The following MPP7 variants were observed in gnomAD, a reference collection of about 807,000 sequenced individuals.
The protein encoded by MPP7 is MAGUK p55 scaffold protein 7.
A neutral mutation model predicts 76.5 loss-of-function variants in MPP7; 60 were observed. The ratio of observed to expected loss-of-function variants is 0.78; its 90% CI spans 0.64 to 0.97. The LOEUF (loss-of-function observed/expected upper bound fraction) is 0.97, where lower values mean the gene tolerates loss of function less well. Among genes scored for constraint, MPP7 ranks in the 50% least tolerant of loss-of-function variants. The pLI, the probability that MPP7 is intolerant of heterozygous loss-of-function variation, is 0.00. For missense variants in MPP7, 641 were observed against 694.0 expected (o/e 0.92, Z 0.86); for synonymous variants, 237 against 244.5 (o/e 0.97, Z 0.29).
chr10:28,070,733 C>T (rs1175889269), intron 12 of MPP7, among the ~76,000 whole-genome samples: 2 of 152,164 alleles, frequency 1.3e-5, no homozygotes, highest in Admixed American at 6.5e-5. Flanking sequence ...GCAAGGCATA[C>T]AGTAGATTCT....
Position 28,248,645 on chromosome 10 carries a change from A to G in MPP7, c.-131-9910T>C, listed in dbSNP as rs535308103. 9.2e-5 allele frequency among the ~76,000 whole-genome samples: 14 copies of G among 152,344 alleles called. 2 individuals are homozygous for G. In the East Asian group the frequency reaches 2.7e-3, roughly 29 times the overall value. ...ATACAGTCAATGCGATGCAGGGCAT[A>G]ATGATGTTTCTGTCAATCACACACC... On this transcript the variant is annotated intron_variant, in intron 1 of 16. Coordinates refer to ENST00000683449, the MANE Select transcript of MPP7 (RefSeq NM_001318170.2).
intron 3 of MPP7, among the ~76,000 whole-genome samples, chr10:28,187,706 T>G (rs1837283250): frequency 6.6e-6 from 1 of 152,208 alleles, no homozygotes; most frequent in African/African-American, 2.4e-5. Context: ...TTGAATCTGA[T>G]TCACTAATAT....
intron 5 of MPP7, among the ~76,000 whole-genome samples, chr10:28,142,203 C>A (rs1835543299): frequency 2.6e-5 from 4 of 152,094 alleles, no homozygotes; most frequent in Non-Finnish European, 5.9e-5. Flanking sequence ...CATATTTCTA[C>A]CCAGTCTTAG....
intron 2 of MPP7, among the ~76,000 whole-genome samples, chr10:28,213,040 G>A (rs1478570774): frequency 6.6e-6 from 1 of 152,012 alleles, no homozygotes; most frequent in Non-Finnish European, 1.5e-5. Context: ...CCTAGGCTCA[G>A]GTAATCCTCC....
intron 5 of MPP7, among the ~76,000 whole-genome samples, chr10:28,135,239 G>T (rs1248943318): frequency 1.3e-5 from 2 of 152,130 alleles, no homozygotes; most frequent in Non-Finnish European, 2.9e-5. Context: ...CAACTGACTA[G>T]ATTCTCAGGT....
chr10:28,316,158 C>T (rs1156981931), intron 2 of MPP7, among the ~76,000 whole-genome samples: 2 of 152,026 alleles, frequency 1.3e-5, no homozygotes, highest in South Asian at 2.1e-4. Flanking sequence ...AAAATGTGGC[C>T]GGACATGGTG....
chr10:28,267,472 T>C (rs950508247), intron 1 of MPP7, among the ~76,000 whole-genome samples: 1 of 151,830 alleles, frequency 6.6e-6, no homozygotes, highest in Admixed American at 6.6e-5. Context: ...ATACCACAGG[T>C]TGAGCATCTC....
In MPP7 at chr10:28,058,633, T is replaced by C. The variant is rs768450673; in HGVS notation, c.1299-30A>G. ...AAAAAATTAAATGCATTGGAATCAT[T>C]TGTGAATTTAAAACAATTATAGGTG... On this transcript the variant is annotated intron_variant, in intron 14 of 16. Coordinates refer to ENST00000683449, the MANE Select transcript of MPP7 (RefSeq NM_001318170.2). The C allele has an allele frequency of 2.4e-6, 3 of 1,234,750 alleles. No individual in the cohort carries two copies. The African/African-American group carries it at 4.6e-5, about 19-fold the overall frequency. 76.5% of individuals were successfully genotyped at this position (1,234,750 alleles called of 1,614,324 possible). A position where few individuals can be genotyped will look rare whatever the true frequency, so the allele number is the denominator to read the frequency against.
chr10:28,197,413 C>T lies in MPP7; in HGVS notation c.156+4740G>A, dbSNP rs527762727. On this transcript the variant is annotated intron_variant, in intron 3 of 16. Transcript: ENST00000683449. ...GACCAGGCTGGTCTCGAACTGTTGACCTCAAGTGATCCACCTGCCTCAGCC... is the reference window on the plus strand; with the variant it reads ...GACCAGGCTGGTCTCGAACTGTTGATCTCAAGTGATCCACCTGCCTCAGCC... 4.6e-5 allele frequency among the ~76,000 whole-genome samples: 7 copies of T among 152,096 alleles called. No homozygotes were observed. In the South Asian group the frequency reaches 1.5e-3, roughly 32 times the overall value.
intron 2 of MPP7, among the ~76,000 whole-genome samples, chr10:28,308,559 G>T (rs535168122): frequency 6.6e-6 from 1 of 152,236 alleles, no homozygotes; most frequent in East Asian, 1.9e-4. Flanking sequence ...GTCACCAAGG[G>T]GCTAGGATAT....
intron 3 of MPP7, among the ~76,000 whole-genome samples, chr10:28,188,979 A>G (rs1219886886): frequency 2.1e-5 from 3 of 144,168 alleles, no homozygotes; most frequent in African/African-American, 7.4e-5. Flanking sequence ...GAAGTTTGTC[A>G]GAGAGAAAGA....
intron 2 of MPP7, among the ~76,000 whole-genome samples, chr10:28,314,870 G>A (rs542559786): frequency 1.8e-4 from 27 of 152,194 alleles, no homozygotes; most frequent in African/African-American, 4.6e-4. Flanking sequence ...AAAAAAGGCC[G>A]GACACAGTGG....
chr10:28,123,576 C>A (rs1428673528), intron 8 of MPP7, among the ~76,000 whole-genome samples: 3 of 146,538 alleles, frequency 2.0e-5, no homozygotes, highest in South Asian at 2.2e-4. Context: ...TCAAGCGATT[C>A]TCCTGCCTCA....
chr10:28,217,364 A>G (rs567043114), intron 2 of MPP7, among the ~76,000 whole-genome samples: 1 of 152,010 alleles, frequency 6.6e-6, no homozygotes, highest in East Asian at 1.9e-4. Flanking sequence ...CCCTATCTCT[A>G]CTAAAAACAC....
At chr10:28,226,175 A>G (rs1033696992) in intron 2 of MPP7, among the ~76,000 whole-genome samples, 1 of 152,208 alleles carries the variant, frequency 6.6e-6, no homozygotes, top group Non-Finnish European at 1.5e-5. Context: ...CTTACATGAA[A>G]TATCTAAAAT....
intron 11 of MPP7, among the ~76,000 whole-genome samples, chr10:28,113,211 C>T (rs751225053): frequency 6.6e-6 from 1 of 152,162 alleles, no homozygotes; most frequent in Admixed American, 6.5e-5. Context: ...GGAAAGCTTG[C>T]TTGGGTAATG....
At chr10:28,065,934 A>G (rs937163083) in intron 13 of MPP7, among the ~76,000 whole-genome samples, 2 of 152,224 alleles carry the variant, frequency 1.3e-5, no homozygotes, top group Non-Finnish European at 2.9e-5. Flanking sequence ...GATGTCTACC[A>G]TAATAATTTT....
chr10:28,077,339 T>A (rs757671352), intron 12 of MPP7, among the ~76,000 whole-genome samples: 9 of 151,514 alleles, frequency 5.9e-5, no homozygotes, highest in Non-Finnish European at 1.2e-4. Context: ...TAGGTCATCA[T>A]CTTCAAAGGT....
chr10:28,119,094 C>T lies in MPP7; in HGVS notation c.952+557G>A, dbSNP rs117388176. On this transcript the variant is annotated intron_variant, in intron 11 of 16. Coordinates refer to ENST00000683449, the MANE Select transcript of MPP7 (RefSeq NM_001318170.2). ...AGAAAAAAAAGTATTTAAATGCACA[C>T]TAAGTTTTTCAGTAGTCATACGGTA... is the stretch of plus-strand genomic sequence containing the variant. The T allele has an allele frequency of 8.3e-3, 8,201 of 983,552 alleles. 38 individuals are homozygous for T. Among genetic ancestry groups the T allele is most frequent in the South Asian group, 0.016 (331 of 21,240 alleles). 60.9% of individuals were successfully genotyped at this position (983,552 alleles called of 1,614,324 possible).
Sources: allele counts gnomAD v4.1 joint callset (sites outside exome capture counted in the v4.1 genomes callset), GRCh38; gene constraint gnomAD v4.1.1; transcripts MANE v1.5; gene names NCBI Gene and HGNC (gene_info 2026-07-23, HGNC 2026-07-21).